Variants in BCAS3 observed in about 807,000 individuals in gnomAD.
The protein encoded by BCAS3 is BCAS3 microtubule associated cell migration factor.
In BCAS3, 53 loss-of-function variants were observed where a neutral mutation model predicts 116.1. The observed-to-expected ratio is 0.46, with a 90% confidence interval of 0.37 to 0.57. The LOEUF (loss-of-function observed/expected upper bound fraction) is 0.57, where lower values mean the gene tolerates loss of function less well. BCAS3 is among the 20% of genes least tolerant of loss of function. BCAS3 has a pLI of 0.00. For missense variants in BCAS3, 917 were observed against 1,165.4 expected, an observed-to-expected ratio of 0.79 and a Z score of 3.10; for synonymous variants, 391 against 408.2, an observed-to-expected ratio of 0.96 and a Z score of 0.51.
intron 13 of BCAS3, among the ~76,000 whole-genome samples, chr17:60,928,734 A>C (rs1480671496): frequency 6.6e-6 from 1 of 152,168 alleles, no homozygotes; most frequent in Non-Finnish European, 1.5e-5. Flanking sequence ...TTCTTTTTTT[A>C]ATTAGCAAGT....
At chr17:60,817,291 T>A (rs188079759) in intron 7 of BCAS3, among the ~76,000 whole-genome samples, 1 of 152,332 alleles carries the variant, frequency 6.6e-6, no homozygotes, top group Non-Finnish European at 1.5e-5. Context: ...AGGCAGTGTC[T>A]TGTGTAATAA....
chr17:60,798,690 T>G (rs1377072242), intron 6 of BCAS3, among the ~76,000 whole-genome samples: 4 of 152,258 alleles, frequency 2.6e-5, no homozygotes, highest in African/African-American at 4.8e-5. Context: ...CAGTTCATTT[T>G]CGTAATTACC....
chr17:60,993,080 A>G lies in BCAS3; in HGVS notation c.1486+2845A>G, dbSNP rs7214111. ...TTTGTTCTTATTCTTGCTTCTTTAT[A>G]CAGCAAACCACATAAGAGGTTTTTG... On this transcript the variant is annotated intron_variant, in intron 15 of 23. Coordinates refer to ENST00000407086, the MANE Select transcript of BCAS3 (RefSeq NM_017679.5). The surrounding 1 kb of genome is among the most constrained non-coding windows in gnomAD (Gnocchi z 4.2). 3.2e-3 allele frequency among the ~76,000 whole-genome samples: 480 copies of G among 152,216 alleles called. 6 individuals carry two copies. Among genetic ancestry groups the G allele is most frequent in the African/African-American group, 0.011 (464 of 41,482 alleles).
At chr17:60,828,294 G>A (rs1182940169) in intron 7 of BCAS3, among the ~76,000 whole-genome samples, 1 of 152,150 alleles carries the variant, frequency 6.6e-6, no homozygotes. Flanking sequence ...GATCACTGTT[G>A]TGTTGTGATT....
At chr17:60,681,805 C>T (rs1369116944) in intron 2 of BCAS3, among the ~76,000 whole-genome samples, 2 of 152,132 alleles carry the variant, frequency 1.3e-5, no homozygotes, top group African/African-American at 2.4e-5. Context: ...TCTCGGCTCA[C>T]CGCAACCTCC....
In BCAS3 at chr17:60,959,821, TC is replaced by T; in HGVS notation, c.1221+12471del. Among the ~76,000 whole-genome samples, 2 of 152,326 alleles carry T rather than the reference TC, an allele frequency of 1.3e-5. 1 individual carries two copies. Among genetic ancestry groups the T allele is most frequent in the East Asian group, 3.9e-4 (2 of 5,186 alleles). On this transcript the variant is annotated intron_variant, in intron 14 of 23. Coordinates refer to ENST00000407086, the MANE Select transcript of BCAS3 (RefSeq NM_017679.5). ...ATCAAAATGTAAGCAAGGCTGCACTTCCTTTGGAAATTCTGAGGAAGAATTT... is the reference window on the plus strand; with the variant it reads ...ATCAAAATGTAAGCAAGGCTGCACTTCTTTGGAAATTCTGAGGAAGAATTT...
intron 7 of BCAS3, among the ~76,000 whole-genome samples, chr17:60,842,793 G>A (rs1194316623): frequency 1.3e-5 from 2 of 151,588 alleles, no homozygotes; most frequent in Non-Finnish European, 2.9e-5. Flanking sequence ...ATATTTACAG[G>A]CTGGCTTTCA....
At chr17:61,351,225 G>T (rs1356285330) in intron 22 of BCAS3, among the ~76,000 whole-genome samples, 1 of 152,200 alleles carries the variant, frequency 6.6e-6, no homozygotes, top group Non-Finnish European at 1.5e-5. Context: ...CAGGAATTGA[G>T]TATCTCGTGC....
At chr17:61,335,632 T>G (rs1810984907) in intron 22 of BCAS3, among the ~76,000 whole-genome samples, 1 of 152,134 alleles carries the variant, frequency 6.6e-6, no homozygotes, top group South Asian at 2.1e-4. Flanking sequence ...TGGCTCATCC[T>G]AGCACTATGG....
At chr17:60,745,484 GAC>G (rs2041947756) in intron 5 of BCAS3, among the ~76,000 whole-genome samples, 1 of 151,922 alleles carries the variant, frequency 6.6e-6, no homozygotes, top group Non-Finnish European at 1.5e-5. Flanking sequence ...AAATAAAAAA[GAC>G]TGTAATTTTT....
chr17:60,952,139 A>G (rs2060877270), intron 14 of BCAS3, among the ~76,000 whole-genome samples: 1 of 151,960 alleles, frequency 6.6e-6, no homozygotes, highest in African/African-American at 2.4e-5. Flanking sequence ...AAAATGTAAA[A>G]ATCTTGAATT....
At chr17:61,061,339 G>T (rs1019440097) in intron 19 of BCAS3, among the ~76,000 whole-genome samples, 9 of 151,972 alleles carry the variant, frequency 5.9e-5, no homozygotes, top group African/African-American at 2.2e-4. Flanking sequence ...TTAAGTCTTT[G>T]CAAAAAAAAA....
intron 6 of BCAS3, among the ~76,000 whole-genome samples, chr17:60,802,527 G>T (rs993814456): frequency 1.3e-5 from 2 of 151,828 alleles, no homozygotes; most frequent in East Asian, 3.9e-4. Flanking sequence ...AATTTCTATT[G>T]TGTTCTTCCT....
chr17:61,074,531 G>A (rs1008529353), intron 19 of BCAS3, among the ~76,000 whole-genome samples: 2 of 152,110 alleles, frequency 1.3e-5, no homozygotes, highest in African/African-American at 4.8e-5. Flanking sequence ...AGGACTGAAA[G>A]CATTTTTTCT....
chr17:61,052,626 C>T (rs556214641), intron 19 of BCAS3, among the ~76,000 whole-genome samples: 4 of 151,698 alleles, frequency 2.6e-5, no homozygotes, highest in South Asian at 2.1e-4. Flanking sequence ...AACCTGACTT[C>T]GAAGTAGTTG....
intron 11 of BCAS3, among the ~76,000 whole-genome samples, chr17:60,904,797 C>T (rs977318010): frequency 6.6e-6 from 1 of 152,142 alleles, no homozygotes; most frequent in African/African-American, 2.4e-5. Context: ...TGCGTCACTG[C>T]AATCTGTTTA....
intron 6 of BCAS3, among the ~76,000 whole-genome samples, chr17:60,786,713 A>G (rs551495305): frequency 6.6e-6 from 1 of 152,254 alleles, no homozygotes; most frequent in Admixed American, 6.5e-5. Context: ...CCATGTTTGC[A>G]GTTCAGCAAT....
intron 9 of BCAS3, 98 bp downstream of exon 9, chr17:60,874,836 A>T (rs753696002): frequency 1.6e-6 from 1 of 640,022 alleles, no homozygotes. Context: ...ACAGTACTTA[A>T]TGTTTTCAAT....
intron 22 of BCAS3, among the ~76,000 whole-genome samples, chr17:61,321,461 G>A (rs1483386854): frequency 1.3e-5 from 2 of 152,174 alleles, no homozygotes; most frequent in Admixed American, 6.5e-5. Flanking sequence ...AAATGCATGA[G>A]CAAAAGCAGC....
Sources: gnomAD v4.1 joint callset for allele counts (sites outside exome capture counted in the v4.1 genomes callset) on GRCh38, gnomAD v4.1.1 for gene constraint, Gnocchi (gnomAD v3.1) non-coding constraint, MANE v1.5 for transcripts, NCBI Gene and HGNC (gene_info 2026-07-23, HGNC 2026-07-21) for gene names.